Variants in BFSP2 observed in about 807,000 individuals in gnomAD.
The protein encoded by BFSP2 is beaded filament structural protein 2.
In BFSP2, 38 loss-of-function variants were observed where a neutral mutation model predicts 44.9. That is an observed-to-expected ratio of 0.85 (90% CI 0.65 to 1.11). The LOEUF is 1.11. BFSP2 is among the 50% of genes least tolerant of loss of function. BFSP2 has a pLI of 0.00. For synonymous variants in BFSP2, 197 were observed against 209.9 expected (o/e 0.94, Z 0.53); for missense variants, 525 against 533.0 (o/e 0.99, Z 0.15).
intron 4 of BFSP2, among the ~76,000 whole-genome samples, chr3:133,457,881 A>G (rs1309694870): frequency 6.6e-6 from 1 of 152,250 alleles, no homozygotes; most frequent in African/African-American, 2.4e-5. Flanking sequence ...GAATTTGTTT[A>G]GCCTGTTCCC....
At chr3:133,430,675 C>G (rs1383192444) in intron 1 of BFSP2, among the ~76,000 whole-genome samples, 1 of 152,174 alleles carries the variant, frequency 6.6e-6, no homozygotes, top group Non-Finnish European at 1.5e-5. Context: ...CGGTCCCTCT[C>G]TAGTCTCTGT....
intron 4 of BFSP2, among the ~76,000 whole-genome samples, chr3:133,456,642 T>C (rs1386877408): frequency 6.6e-6 from 1 of 152,090 alleles, no homozygotes; most frequent in Non-Finnish European, 1.5e-5. Flanking sequence ...TGGAAACTAC[T>C]TGGGAAGCTG....
At chr3:133,439,493 T>C (rs575582537) in intron 1 of BFSP2, among the ~76,000 whole-genome samples, 1 of 152,358 alleles carries the variant, frequency 6.6e-6, no homozygotes, top group South Asian at 2.1e-4. Flanking sequence ...CAGAATAACA[T>C]GCAGCATAAA....
intron 1 of BFSP2, among the ~76,000 whole-genome samples, chr3:133,420,066 G>A (rs1576566101): frequency 1.3e-5 from 2 of 152,162 alleles, no homozygotes; most frequent in Admixed American, 6.5e-5. Flanking sequence ...CAGTCTCCAC[G>A]GAGTGAGGCA....
intron 6 of BFSP2, among the ~76,000 whole-genome samples, chr3:133,472,970 A>G (rs1466513106): frequency 6.7e-6 from 1 of 149,572 alleles, no homozygotes; most frequent in African/African-American, 2.5e-5. Context: ...TTTTTTGGAT[A>G]CAGGGTCTCG....
rs1254138855 is a variant in BFSP2 at position 133,424,450 on chromosome 3, G to A, written c.490-22867G>A. On this transcript the variant is annotated intron_variant, in intron 1 of 6. Coordinates refer to ENST00000302334, the MANE Select transcript of BFSP2 (RefSeq NM_003571.4). ...CATTCTGGGTTGCTGTGGAGCTTAG[G>A]TCAGACCTTGAGTTTAGAGTCAAAG... is the stretch of plus-strand genomic sequence containing the variant. Among the ~76,000 whole-genome samples the A allele has an allele frequency of 2.6e-5, 4 of 151,972 alleles. 1 individual carries two copies. The highest frequency in any genetic ancestry group is 5.9e-5 in the Non-Finnish European group (4 of 68,000).
intron 5 of BFSP2, among the ~76,000 whole-genome samples, chr3:133,469,404 C>T (rs2074141774): frequency 6.6e-6 from 1 of 152,228 alleles, no homozygotes. Context: ...GACTTTCGGC[C>T]CCCTTTGCCA....
chr3:133,441,854 G>A (rs1207544591), intron 1 of BFSP2, among the ~76,000 whole-genome samples: 1 of 152,148 alleles, frequency 6.6e-6, no homozygotes, highest in African/African-American at 2.4e-5. Flanking sequence ...AGCAGAAAGG[G>A]GCAGAGTAAA....
At chr3:133,403,709 G>C (rs537125293) in intron 1 of BFSP2, among the ~76,000 whole-genome samples, 8 of 152,260 alleles carry the variant, frequency 5.3e-5, no homozygotes, top group African/African-American at 9.6e-5. Flanking sequence ...AGTTGGAAAG[G>C]AGACAGGCTC....
intron 1 of BFSP2, among the ~76,000 whole-genome samples, chr3:133,431,677 T>C (rs148942366): frequency 0.016 from 2,390 of 151,982 alleles, 42 homozygotes; most frequent in East Asian, 0.067. Context: ...GGAGGGTAAG[T>C]CCATCCCCTT....
At chr3:133,450,831 G>T (rs1490013940) in intron 4 of BFSP2, among the ~76,000 whole-genome samples, 3 of 152,150 alleles carry the variant, frequency 2.0e-5, no homozygotes, top group Non-Finnish European at 1.5e-5. Context: ...AATAATTGAG[G>T]CCGGGCGTGG....
In BFSP2 at chr3:133,400,452, C is replaced by T. The variant is rs34163197; in HGVS notation, c.369C>T (p.His123=). Residue 123 remains histidine (H), a synonymous_variant, in exon 1 of 7, where the codon CAC becomes CAT. Coordinates refer to ENST00000302334, the MANE Select transcript of BFSP2 (RefSeq NM_003571.4). The surrounding 1 kb of genome is among the most constrained non-coding windows in gnomAD (Gnocchi z 4.0). ...TGGTGGAATATATGGCCAAAGTGCA[C>T]GCCCTTGAGCAAGTCAGTCAGGAGC... The part of the protein sequence containing the change: ...GCLVEYMAKV[H]ALEQVSQELE... The T allele has an allele frequency of 1.9e-3, 3,134 of 1,614,020 alleles. 48 individuals are homozygous for T. In the African/African-American group the frequency reaches 0.035, roughly 18 times the overall value.
chr3:133,416,106 T>C (rs541570393), intron 1 of BFSP2, among the ~76,000 whole-genome samples: 1 of 132,552 alleles, frequency 7.5e-6, no homozygotes, highest in Non-Finnish European at 1.6e-5. Flanking sequence ...CTATGTCCCA[T>C]CTACTCACCC....
At chr3:133,450,608 T>C (rs2073954745) in intron 4 of BFSP2, 144 bp downstream of exon 4, 3 of 994,684 alleles carry the variant, frequency 3.0e-6, no homozygotes, top group Admixed American at 5.0e-5. Flanking sequence ...AAATGAAAAT[T>C]AAAATAATAG....
At position 133,472,559 on chromosome 3, in the gene BFSP2, A is replaced by C; in HGVS notation, c.1238A>C (p.Glu413Ala). The part of the protein sequence containing the change: ...ASYHALLDRE[E>A]SG ...TACCACGCCCTGCTGGACAGGGAGG[A>C]GAGCGGGTAAGCCTCGCTTCCGCGT... The change falls in exon 6 of 7, where the codon GAG becomes GCG. Residue 413 changes from glutamate (E) to alanine (A), a missense_variant. Physicochemically the swap from Glu to Ala is moderately radical, Grantham distance 107 (BLOSUM62 -1). Transcript: ENST00000302334. The C allele has an allele frequency of 1.9e-6, 3 of 1,611,802 alleles. No individual in the cohort carries two copies. Among genetic ancestry groups the C allele is most frequent in the Non-Finnish European group, 2.5e-6 (3 of 1,179,828 alleles).
rs113441621 is a variant in BFSP2 at position 133,423,876 on chromosome 3, G to C, written c.489+23304G>C. On this transcript the variant is annotated intron_variant, in intron 1 of 6. Coordinates refer to ENST00000302334, the MANE Select transcript of BFSP2 (RefSeq NM_003571.4). ...ACTGCCAAAGCCACCTTGATCCTGG[G>C]AAGCCAGTCACGCAATTCATACTGC... 8.8e-4 allele frequency among the ~76,000 whole-genome samples: 134 copies of C among 152,256 alleles called. 1 individual carries two copies. Among genetic ancestry groups the C allele is most frequent in the African/African-American group, 3.1e-3 (128 of 41,528 alleles).
At chr3:133,450,159 A>T in intron 3 of BFSP2, 144 bp from the exon 4 acceptor site, 1 of 907,954 alleles carries the variant, frequency 1.1e-6, no homozygotes, top group Non-Finnish European at 1.7e-6. Context: ...AAGGTCAGGG[A>T]CTTTCCCAGT....
intron 1 of BFSP2, among the ~76,000 whole-genome samples, chr3:133,428,840 T>C (rs534502041): frequency 5.9e-5 from 9 of 152,330 alleles, no homozygotes; most frequent in African/African-American, 2.2e-4. Context: ...CCATCAAACT[T>C]GTCCCAGCCA....
chr3:133,442,731 GA>G (rs1334771648), intron 1 of BFSP2, among the ~76,000 whole-genome samples: 2 of 152,136 alleles, frequency 1.3e-5, no homozygotes, highest in African/African-American at 4.8e-5. Flanking sequence ...TGAGATGTGG[GA>G]GATGACAGAA....
Sources: gnomAD v4.1 joint callset for allele counts (sites outside exome capture counted in the v4.1 genomes callset) on GRCh38, gnomAD v4.1.1 for gene constraint, Gnocchi (gnomAD v3.1) non-coding constraint, MANE v1.5 for transcripts, NCBI Gene and HGNC (gene_info 2026-07-23, HGNC 2026-07-21) for gene names.